The following SEPTIN9 variants were observed in gnomAD, a reference collection of about 807,000 sequenced individuals.
The protein encoded by SEPTIN9 is septin-9.
Under a neutral mutation model 56.6 loss-of-function variants are expected in SEPTIN9, and 13 were observed. That is an observed-to-expected ratio of 0.23 (90% CI 0.15 to 0.37). The LOEUF (loss-of-function observed/expected upper bound fraction) is 0.37, where lower values mean the gene tolerates loss of function less well. SEPTIN9 is among the 10% of genes least tolerant of loss of function. The pLI is 1.00. For missense variants in SEPTIN9, 650 were observed against 823.1 expected, an observed-to-expected ratio of 0.79 and a Z score of 2.57; for synonymous variants, 332 against 334.1, an observed-to-expected ratio of 0.99 and a Z score of 0.07.
chr17:77,498,474 C>A (rs1568126954), intron 11 of SEPTIN9, 49 bp from the exon 12 acceptor site: 1 of 776,530 alleles, frequency 1.3e-6, no homozygotes, highest in Non-Finnish European at 2.1e-6. Flanking sequence ...CCGCTGCCCC[C>A]ACCCCGCTGC....
At position 77,424,647 on chromosome 17, in the gene SEPTIN9, C is replaced by G. The variant is rs187433724; in HGVS notation, c.721+21944C>G. 2.2e-3 allele frequency among the ~76,000 whole-genome samples: 342 copies of G among 152,350 alleles called. 13 individuals carry two copies. The South Asian group carries it at 0.055, about 24-fold the overall frequency. On this transcript the variant is annotated intron_variant, in intron 3 of 11. Transcript: ENST00000427177. Reference sequence around the variant, plus strand: ...TTCTGGGGGCCTTGCTGGTCAGGATCACAGAGAAGCTCTTTGCTGTTGATC... The same window carrying G: ...TTCTGGGGGCCTTGCTGGTCAGGATGACAGAGAAGCTCTTTGCTGTTGATC...
At chr17:77,349,642 A>T (rs543019848) in intron 2 of SEPTIN9, among the ~76,000 whole-genome samples, 1 of 152,308 alleles carries the variant, frequency 6.6e-6, no homozygotes, top group African/African-American at 2.4e-5. Context: ...ACCTCTGGGC[A>T]AAAAAGCCTC....
chr17:77,409,505 C>T (rs887658617), intron 3 of SEPTIN9, among the ~76,000 whole-genome samples: 11 of 152,066 alleles, frequency 7.2e-5, no homozygotes, highest in African/African-American at 2.4e-4. Context: ...AGCGCAGCTG[C>T]GGGGAAGGGT....
intron 2 of SEPTIN9, among the ~76,000 whole-genome samples, chr17:77,322,438 A>G (rs1190717656): frequency 6.6e-6 from 1 of 152,216 alleles, no homozygotes; most frequent in Admixed American, 6.5e-5. Flanking sequence ...CATGTAAGAA[A>G]ACGTACATTT....
At position 77,344,927 on chromosome 17, in the gene SEPTIN9, A is replaced by G. The variant is rs533658404; in HGVS notation, c.76+37730A>G. On this transcript the variant is annotated intron_variant, in intron 2 of 11. Transcript: ENST00000427177. ...GTGGAGGTTGCAGTGAGCCGAGACCATGCCACTGCACTCCAGCTTGGGCGA... is the reference window on the plus strand; with the variant it reads ...GTGGAGGTTGCAGTGAGCCGAGACCGTGCCACTGCACTCCAGCTTGGGCGA... Among the ~76,000 whole-genome samples, 2 of 137,264 alleles carry G rather than the reference A, an allele frequency of 1.5e-5. 1 individual carries two copies. The highest frequency in any genetic ancestry group is 5.4e-5 in the African/African-American group (2 of 37,020). The allele number at this position is 137,264 out of a possible 152,430, so 90.1% of individuals were successfully genotyped here.
rs533966005 is a variant in SEPTIN9 at position 77,456,834 on chromosome 17, C to A, written c.722-25310C>A. ...GGGTCCCCACAGCCAAGGACAAGTC[C>A]CCACGGCCAATACCAGATCCCAGTG... On this transcript the variant is annotated intron_variant, in intron 3 of 11. Transcript: ENST00000427177. The surrounding 1 kb of genome is among the most constrained non-coding windows in gnomAD (Gnocchi z 6.0). 2.0e-5 allele frequency among the ~76,000 whole-genome samples: 3 copies of A among 152,266 alleles called. No individual in the cohort carries two copies. The highest frequency in any genetic ancestry group is 3.9e-4 in the East Asian group (2 of 5,182).
chr17:77,438,315 G>A (rs546094290), intron 3 of SEPTIN9, among the ~76,000 whole-genome samples: 26 of 152,288 alleles, frequency 1.7e-4, no homozygotes, highest in Non-Finnish European at 2.5e-4. Flanking sequence ...GCCAGGATTC[G>A]AACCCACGCA....
chr17:77,498,676 C>CCCCCGGT lies in SEPTIN9; in HGVS notation c.*20_*21insCCGGTCC. The CCCCCGGT allele has an allele frequency of 6.6e-7, 1 of 1,525,764 alleles. No individual in the cohort carries two copies. The allele number at this position is 1,525,764 out of a possible 1,614,324, so 94.5% of individuals were successfully genotyped here. ...AGATGTAGACGCCACCCTGCCCACCCCCGGGATCCTGCCCCCAAGTCATTT... is the reference window on the plus strand; with the variant it reads ...AGATGTAGACGCCACCCTGCCCACCCCCCCGGTCCGGGATCCTGCCCCCAAGTCATTT... On this transcript the variant is annotated 3_prime_UTR_variant, in exon 12 of 12. Coordinates refer to ENST00000427177, the MANE Select transcript of SEPTIN9 (RefSeq NM_001113491.2).
Position 77,498,823 on chromosome 17 carries a change from G to C in SEPTIN9, c.*165G>C. ...CAAGGGAAGGGGCCTCCCTCCGAGTGAGTCAGTGATGAGGCCGCGGCCTCC... is the reference window on the plus strand; with the variant it reads ...CAAGGGAAGGGGCCTCCCTCCGAGTCAGTCAGTGATGAGGCCGCGGCCTCC... On this transcript the variant is annotated 3_prime_UTR_variant, in exon 12 of 12. Coordinates refer to ENST00000427177, the MANE Select transcript of SEPTIN9 (RefSeq NM_001113491.2). The C allele has an allele frequency of 3.1e-6, 2 of 638,626 alleles. No homozygotes were observed. Among genetic ancestry groups the C allele is most frequent in the Non-Finnish European group, 5.8e-6 (2 of 346,764 alleles). The allele number at this position is 638,626 out of a possible 1,614,324, so 39.6% of individuals were successfully genotyped here.
chr17:77,354,126 T>A (rs966762517), intron 2 of SEPTIN9, among the ~76,000 whole-genome samples: 1 of 152,222 alleles, frequency 6.6e-6, no homozygotes, highest in Non-Finnish European at 1.5e-5. Flanking sequence ...GCTTGTGTCT[T>A]ATTTTTTACT....
At position 77,434,714 on chromosome 17, in the gene SEPTIN9, C is replaced by G. The variant is rs2037276128; in HGVS notation, c.721+32011C>G. Among the ~76,000 whole-genome samples, 1 of 152,208 alleles carries G rather than the reference C, an allele frequency of 6.6e-6. No individual in the cohort carries two copies. Among genetic ancestry groups the G allele is most frequent in the Non-Finnish European group, 1.5e-5 (1 of 68,040 alleles). Reference sequence around the variant, plus strand: ...CTTCTCTTGCACGTGAAGCAAAGGCCTGTTTGAAGGAGCGTGTGGAAGCCT... The same window carrying G: ...CTTCTCTTGCACGTGAAGCAAAGGCGTGTTTGAAGGAGCGTGTGGAAGCCT... On this transcript the variant is annotated intron_variant, in intron 3 of 11. Coordinates refer to ENST00000427177, the MANE Select transcript of SEPTIN9 (RefSeq NM_001113491.2). This position sits in a 1 kb window ranked among gnomAD's most constrained non-coding sequence, Gnocchi z 5.0.
At chr17:77,417,361 G>A (rs748541316) in intron 3 of SEPTIN9, among the ~76,000 whole-genome samples, 1 of 152,208 alleles carries the variant, frequency 6.6e-6, no homozygotes, top group Non-Finnish European at 1.5e-5. Flanking sequence ...GAGGCCACAG[G>A]TGCAAGGGTT....
intron 8 of SEPTIN9, 143 bp downstream of exon 8, chr17:77,491,002 G>A: frequency 1.4e-6 from 1 of 698,562 alleles, no homozygotes; most frequent in South Asian, 1.7e-5. Flanking sequence ...TGGCTGGCCT[G>A]GTGGTCCCTG....
chr17:77,442,506 T>TA (rs574360726), intron 3 of SEPTIN9, among the ~76,000 whole-genome samples: 13,400 of 91,146 alleles, frequency 0.15, 1,293 homozygotes, highest in East Asian at 0.47. Context: ...CAACTAGTCT[T>TA]AAAAAAAAAA....
intron 4 of SEPTIN9, chr17:77,482,727 C>T (rs405253): frequency 0.37 from 215,809 of 582,512 alleles, 46,052 homozygotes; most frequent in Middle Eastern, 0.57. Flanking sequence ...CACCGCACCC[C>T]GGCCAGAGGC....
intron 2 of SEPTIN9, among the ~76,000 whole-genome samples, chr17:77,346,989 C>A (rs1298489302): frequency 6.6e-6 from 1 of 152,136 alleles, no homozygotes; most frequent in Non-Finnish European, 1.5e-5. Context: ...GACTTCCCAG[C>A]CTCTAGAACT....
chr17:77,441,239 C>G (rs978632421), intron 3 of SEPTIN9, among the ~76,000 whole-genome samples: 3 of 152,138 alleles, frequency 2.0e-5, no homozygotes, highest in Admixed American at 2.0e-4. Flanking sequence ...GGTTTCAGAA[C>G]CCCCACCCCG....
At chr17:77,469,193 CAG>C (rs1287929449) in intron 3 of SEPTIN9, 1 of 152,780 alleles carries the variant, frequency 6.5e-6, no homozygotes, top group African/African-American at 2.4e-5. Context: ...ATTGAATGCT[CAG>C]GGGCTGGGTG....
At chr17:77,482,386 GC>G in intron 4 of SEPTIN9, 51 bp downstream of exon 4, 1 of 1,581,980 alleles carries the variant, frequency 6.3e-7, no homozygotes, top group Non-Finnish European at 8.6e-7. Flanking sequence ...ACCAGCCTCA[GC>G]CCCCAGGGCG....
Sources: allele counts gnomAD v4.1 joint callset (sites outside exome capture counted in the v4.1 genomes callset), GRCh38; gene constraint gnomAD v4.1.1; non-coding constraint Gnocchi (gnomAD v3.1); transcripts MANE v1.5; gene names NCBI Gene and HGNC (gene_info 2026-07-23, HGNC 2026-07-21).